Variants in KIAA1549L observed in about 807,000 individuals in gnomAD.
The protein encoded by KIAA1549L is KIAA1549 like, also known as UPF0606 protein KIAA1549L.
Under a neutral mutation model 160.7 loss-of-function variants are expected in KIAA1549L, and 88 were observed. That is an observed-to-expected ratio of 0.55 (90% CI 0.46 to 0.65). The LOEUF (loss-of-function observed/expected upper bound fraction) is 0.65, where lower values mean the gene tolerates loss of function less well. KIAA1549L is among the 30% of genes least tolerant of loss of function. The pLI, the probability that KIAA1549L is intolerant of heterozygous loss-of-function variation, is 0.00. For missense variants in KIAA1549L, 2,258 were observed against 2,437.5 expected, an observed-to-expected ratio of 0.93 and a Z score of 1.55; for synonymous variants, 950 against 976.7, an observed-to-expected ratio of 0.97 and a Z score of 0.51.
Position 33,660,983 on chromosome 11 carries a change from A to G in KIAA1549L, c.6128A>G (p.Glu2043Gly). 6.2e-7 allele frequency: 1 copy of G among 1,611,442 alleles called. No individual in the cohort carries two copies. Among genetic ancestry groups the G allele is most frequent in the Non-Finnish European group, 8.5e-7 (1 of 1,178,820 alleles). Residue 2043 changes from glutamate (E) to glycine (G), a missense_variant, in exon 20 of 21, where the codon GAG (glutamate) becomes GGG (glycine). Glu to Gly is a moderately conservative substitution (Grantham distance 98). This residue lies in a region of KIAA1549L where 1,359 missense variants were observed against 1,546.6 expected (regional missense o/e 0.88). Coordinates refer to ENST00000658780, the MANE Select transcript of KIAA1549L (RefSeq NM_012194.3). Reference protein sequence around the residue: ...RNQAWMSYAGENELPSQWADS... With the variant: ...RNQAWMSYAGGNELPSQWADS... ...CAGGCCTGGATGTCCTATGCAGGAG[A>G]GAATGAGCTCCCGAGCCAGTGGGCA... is the stretch of plus-strand genomic sequence containing the variant.
chr11:33,531,803 G>T (rs1201013342), intron 1 of KIAA1549L, among the ~76,000 whole-genome samples: 5 of 152,168 alleles, frequency 3.3e-5, no homozygotes, highest in Admixed American at 2.6e-4. Flanking sequence ...GGGTGTGGGT[G>T]GATGCTTCAG....
At chr11:33,575,376 G>A (rs535101099) in intron 10 of KIAA1549L, among the ~76,000 whole-genome samples, 1 of 152,206 alleles carries the variant, frequency 6.6e-6, no homozygotes, top group Non-Finnish European at 1.5e-5. Context: ...GGGAGGGTTT[G>A]CTTCGAAGGG....
Position 33,658,738 on chromosome 11 carries a change from T to C in KIAA1549L, c.5859-12T>C. On this transcript the variant is annotated splice_polypyrimidine_tract_variant and intron_variant, in intron 18 of 20. Coordinates refer to ENST00000658780, the MANE Select transcript of KIAA1549L (RefSeq NM_012194.3). Reference sequence around the variant, plus strand: ...TGGGACAGTGCTAACGCAGTCCCTCTGCCCCATCTAGATCCACCTCAGACA... The same window carrying C: ...TGGGACAGTGCTAACGCAGTCCCTCCGCCCCATCTAGATCCACCTCAGACA... 1 of 1,569,076 alleles carries C rather than the reference T, an allele frequency of 6.4e-7. No individual in the cohort carries two copies.
At chr11:33,435,119 A>G (rs1565135428) in intron 1 of KIAA1549L, among the ~76,000 whole-genome samples, 2 of 152,236 alleles carry the variant, frequency 1.3e-5, no homozygotes, top group Non-Finnish European at 2.9e-5. Context: ...GATTAATCAT[A>G]AAAGTTCAGG....
chr11:33,579,657 A>G (rs1855569968), intron 10 of KIAA1549L, among the ~76,000 whole-genome samples: 1 of 152,216 alleles, frequency 6.6e-6, no homozygotes, highest in Non-Finnish European at 1.5e-5. Flanking sequence ...GGTGTTGGGA[A>G]TTCAAGCCTA....
At chr11:33,495,369 A>G (rs1399431079) in intron 1 of KIAA1549L, among the ~76,000 whole-genome samples, 1 of 150,926 alleles carries the variant, frequency 6.6e-6, no homozygotes, top group Non-Finnish European at 1.5e-5. Flanking sequence ...GAGTGAGAAT[A>G]TGCGGTGTTT....
At chr11:33,410,548 C>T (rs1220615123) in intron 1 of KIAA1549L, among the ~76,000 whole-genome samples, 1 of 152,208 alleles carries the variant, frequency 6.6e-6, no homozygotes, top group Non-Finnish European at 1.5e-5. Flanking sequence ...TGCCTCAGTC[C>T]ATCTCATACT....
chr11:33,509,407 A>G (rs1853172845), intron 1 of KIAA1549L, among the ~76,000 whole-genome samples: 1 of 152,212 alleles, frequency 6.6e-6, no homozygotes, highest in African/African-American at 2.4e-5. Context: ...TAATGGGACC[A>G]TATCACTTAA....
chr11:33,634,521 GC>G (rs1173955560), intron 16 of KIAA1549L, among the ~76,000 whole-genome samples: 4 of 152,170 alleles, frequency 2.6e-5, no homozygotes, highest in Admixed American at 6.5e-5. Flanking sequence ...GCAACTCAAG[GC>G]AAATGGATCT....
chr11:33,522,498 C>G (rs1211009712), intron 1 of KIAA1549L, among the ~76,000 whole-genome samples: 1 of 152,152 alleles, frequency 6.6e-6, no homozygotes, highest in Non-Finnish European at 1.5e-5. Flanking sequence ...ATCACACAGT[C>G]TTTTTCAGTA....
intron 9 of KIAA1549L, among the ~76,000 whole-genome samples, chr11:33,574,354 G>A (rs749055425): frequency 1.3e-5 from 2 of 152,142 alleles, no homozygotes; most frequent in East Asian, 1.9e-4. Flanking sequence ...TTTAACAGTC[G>A]TGTTTGAGAA....
intron 1 of KIAA1549L, among the ~76,000 whole-genome samples, chr11:33,443,460 G>A (rs1851549798): frequency 6.6e-6 from 1 of 152,150 alleles, no homozygotes; most frequent in Non-Finnish European, 1.5e-5. Context: ...ACCAAGGGGT[G>A]GTTTAATCAC....
chr11:33,413,068 A>G (rs1205898912), intron 1 of KIAA1549L, among the ~76,000 whole-genome samples: 3 of 152,180 alleles, frequency 2.0e-5, no homozygotes, highest in East Asian at 3.8e-4. Flanking sequence ...TCTGGGGAAC[A>G]TGAATCCCAT....
chr11:33,546,048 G>A (rs538068304), intron 3 of KIAA1549L, among the ~76,000 whole-genome samples: 1 of 152,128 alleles, frequency 6.6e-6, no homozygotes, highest in Non-Finnish European at 1.5e-5. Context: ...TGTCTTTTAA[G>A]CCCCCATTCC....
In KIAA1549L at chr11:33,583,944, G is replaced by T. The variant is rs569839168; in HGVS notation, c.4566+443G>T. Among the ~76,000 whole-genome samples, 3 of 152,328 alleles carry T rather than the reference G, an allele frequency of 2.0e-5. No homozygotes were observed. In the South Asian group the frequency reaches 6.2e-4, roughly 32 times the overall value. On this transcript the variant is annotated intron_variant, in intron 11 of 20. Transcript: ENST00000658780. Reference sequence around the variant, plus strand: ...TAAGGTCTGCTATGTTCTGAACGTTGTGGTCCACAGATTTATATGTTGAAA... The same window carrying T: ...TAAGGTCTGCTATGTTCTGAACGTTTTGGTCCACAGATTTATATGTTGAAA...
chr11:33,579,646 AG>A (rs1475456814), intron 10 of KIAA1549L, among the ~76,000 whole-genome samples: 13 of 152,318 alleles, frequency 8.5e-5, no homozygotes. Flanking sequence ...AGGTTAAGAA[AG>A]GTGTTGGGAA....
At chr11:33,564,455 G>T (rs1400775637) in intron 8 of KIAA1549L, among the ~76,000 whole-genome samples, 1 of 152,180 alleles carries the variant, frequency 6.6e-6, no homozygotes, top group African/African-American at 2.4e-5. Flanking sequence ...TGCCTCAGAG[G>T]GTGGGTCCCT....
chr11:33,643,849 A>G (rs1340999957), intron 16 of KIAA1549L, among the ~76,000 whole-genome samples: 2 of 152,212 alleles, frequency 1.3e-5, no homozygotes, highest in Admixed American at 6.5e-5. Context: ...CAAGGGTTGC[A>G]TTCGTGTTCT....
At chr11:33,480,935 C>T (rs1284455501) in intron 1 of KIAA1549L, among the ~76,000 whole-genome samples, 1 of 152,234 alleles carries the variant, frequency 6.6e-6, no homozygotes, top group African/African-American at 2.4e-5. Context: ...GCCATCTCCA[C>T]CCTCCGCTAA....
Sources: gnomAD v4.1 joint callset for allele counts (sites outside exome capture counted in the v4.1 genomes callset) on GRCh38, gnomAD v4.1.1 for gene constraint, gnomAD v4.1.1 regional missense constraint, MANE v1.5 for transcripts, NCBI Gene and HGNC (gene_info 2026-07-23, HGNC 2026-07-21) for gene names.